LIPC: variants seen among roughly 807,000 people sequenced by gnomAD.
The protein encoded by LIPC is lipase C, hepatic type, also known as hepatic triacylglycerol lipase.
LIPC carries 44 observed loss-of-function variants against 50.7 expected under a neutral mutation model. The observed-to-expected ratio is 0.87, with a 90% CI of 0.68 to 1.11. The LOEUF (loss-of-function observed/expected upper bound fraction) is 1.11, where lower values mean the gene tolerates loss of function less well. Ranked by LOEUF, LIPC falls within the 50% of genes most tolerant of loss-of-function variation. The pLI is 0.00. For missense variants in LIPC, 697 were observed against 648.2 expected, an observed-to-expected ratio of 1.08 and a Z score of -0.82; for synonymous variants, 271 against 256.4, an observed-to-expected ratio of 1.06 and a Z score of -0.54.
rs551128741 is a variant in LIPC at position 58,566,299 on chromosome 15, C to T, written c.1389-2417C>T. 1.4e-4 allele frequency: 139 copies of T among 985,440 alleles called. No individual in the cohort carries two copies. The African/African-American group carries it at 2.1e-3, about 15-fold the overall frequency. The allele number at this position is 985,440 out of a possible 1,614,324, so 61.0% of individuals were successfully genotyped here. ...AGGTGTTCCCAGGGAGACAGGCAGC[C>T]GGCAAAGCAATATGGCTGGCAGGAT... On this transcript the variant is annotated intron_variant, in intron 8 of 8. Coordinates refer to ENST00000299022, the MANE Select transcript of LIPC (RefSeq NM_000236.3).
chr15:58,518,116 G>A (rs1157720698), intron 1 of LIPC, among the ~76,000 whole-genome samples: 1 of 152,246 alleles, frequency 6.6e-6, no homozygotes, highest in Non-Finnish European at 1.5e-5. Flanking sequence ...TTTGTTGTGA[G>A]AGGCTGTCCT....
intron 2 of LIPC, among the ~76,000 whole-genome samples, chr15:58,540,412 G>C (rs1211124295): frequency 6.6e-6 from 1 of 152,192 alleles, no homozygotes; most frequent in South Asian, 2.1e-4. Context: ...TGGAAGGAGA[G>C]CATTATTAAC....
chr15:58,565,270 A>G (rs1894325181), intron 8 of LIPC: 1 of 1,535,600 alleles, frequency 6.5e-7, no homozygotes, highest in Non-Finnish European at 8.7e-7. Context: ...CCATTGGAGC[A>G]GCGCTGCTTC....
At chr15:58,502,028 G>A in intron 1 of LIPC, among the ~76,000 whole-genome samples, 1 of 152,184 alleles carries the variant, frequency 6.6e-6, no homozygotes, top group Admixed American at 6.5e-5. Flanking sequence ...CGTGGGCCGA[G>A]GGTGAGGCTG....
At chr15:58,552,901 G>C (rs747072768) in intron 6 of LIPC, among the ~76,000 whole-genome samples, 50 of 152,220 alleles carry the variant, frequency 3.3e-4, no homozygotes, top group Non-Finnish European at 5.6e-4. Flanking sequence ...ACATGGGGAT[G>C]AACCACTAGC....
intron 2 of LIPC, among the ~76,000 whole-genome samples, chr15:58,540,785 C>T (rs1595933973): frequency 6.6e-6 from 1 of 152,056 alleles, no homozygotes; most frequent in African/African-American, 2.4e-5. Flanking sequence ...TTCACCTGCC[C>T]ACCTGTATTC....
At chr15:58,463,902 T>C (rs1260966362) in intron 1 of LIPC, among the ~76,000 whole-genome samples, 1 of 152,208 alleles carries the variant, frequency 6.6e-6, no homozygotes, top group African/African-American at 2.4e-5. Flanking sequence ...ATGTCTGATA[T>C]TAAACACTTC....
intron 4 of LIPC, among the ~76,000 whole-genome samples, chr15:58,543,229 A>C (rs1256116248): frequency 1.3e-5 from 2 of 151,410 alleles, no homozygotes; most frequent in African/African-American, 4.9e-5. Context: ...CACCAACCCC[A>C]CCCTTCACAC....
chr15:58,506,198 T>C (rs375692926), intron 1 of LIPC, among the ~76,000 whole-genome samples: 12 of 152,268 alleles, frequency 7.9e-5, no homozygotes, highest in African/African-American at 2.6e-4. Flanking sequence ...GGGCTCTCCT[T>C]AGCCCAGGAG....
At chr15:58,529,493 G>T (rs534059177) in intron 1 of LIPC, among the ~76,000 whole-genome samples, 3 of 152,238 alleles carry the variant, frequency 2.0e-5, no homozygotes, top group African/African-American at 7.2e-5. Context: ...TTGTTTCGGG[G>T]TATTTTCCAT....
chr15:58,482,884 C>A, intron 1 of LIPC, among the ~76,000 whole-genome samples: 1 of 152,168 alleles, frequency 6.6e-6, no homozygotes, highest in East Asian at 1.9e-4. Context: ...ATTAACTGAG[C>A]CTCCTGGAGT....
chr15:58,515,051 G>A (rs2140864314), intron 1 of LIPC, among the ~76,000 whole-genome samples: 1 of 152,166 alleles, frequency 6.6e-6, no homozygotes, highest in South Asian at 2.1e-4. Context: ...CTTGGCTTGT[G>A]GCTCCTTCCT....
intron 1 of LIPC, among the ~76,000 whole-genome samples, chr15:58,437,181 A>T (rs1893328597): frequency 6.6e-6 from 1 of 152,176 alleles, no homozygotes; most frequent in Non-Finnish European, 1.5e-5. Context: ...CAGGGATCTT[A>T]GCACAGAGGA....
chr15:58,562,805 A>AC (rs10684025), intron 7 of LIPC, among the ~76,000 whole-genome samples: 4,687 of 141,368 alleles, frequency 0.033, 123 homozygotes, highest in African/African-American at 0.068. Context: ...CACACAAGGG[A>AC]CCCCCCCCCA....
intron 1 of LIPC, among the ~76,000 whole-genome samples, chr15:58,520,061 T>G (rs1445885385): frequency 1.3e-5 from 2 of 151,806 alleles, no homozygotes; most frequent in Non-Finnish European, 2.9e-5. Context: ...CATCTAGTGA[T>G]GTGATTGATT....
At chr15:58,444,124 C>T (rs947080260) in intron 1 of LIPC, among the ~76,000 whole-genome samples, 3 of 152,170 alleles carry the variant, frequency 2.0e-5, no homozygotes, top group Non-Finnish European at 4.4e-5. Flanking sequence ...CTGCCTGCGA[C>T]ACAGGTCTAG....
intron 6 of LIPC, among the ~76,000 whole-genome samples, chr15:58,552,029 T>C (rs887218466): frequency 1.3e-5 from 2 of 152,190 alleles, no homozygotes; most frequent in Admixed American, 1.3e-4. Flanking sequence ...TCTCACTCTC[T>C]CACAAGGAAC....
intron 1 of LIPC, among the ~76,000 whole-genome samples, chr15:58,519,364 T>C (rs1209936144): frequency 6.6e-6 from 1 of 151,254 alleles, no homozygotes; most frequent in Non-Finnish European, 1.5e-5. Flanking sequence ...TGAGCCGAGA[T>C]TGTGCCACTG....
At chr15:58,479,490 G>C (rs1477035479) in intron 1 of LIPC, among the ~76,000 whole-genome samples, 6 of 152,136 alleles carry the variant, frequency 3.9e-5, no homozygotes, top group African/African-American at 1.4e-4. Context: ...AATGAAATTG[G>C]GTCTCTGCCT....
Sources: allele counts gnomAD v4.1 joint callset (sites outside exome capture counted in the v4.1 genomes callset), GRCh38; gene constraint gnomAD v4.1.1; transcripts MANE v1.5; gene names NCBI Gene and HGNC (gene_info 2026-07-23, HGNC 2026-07-21).